Variants in IPMK observed in about 807,000 individuals in gnomAD.
IPMK encodes the protein inositol 1,3,4,6-tetrakisphosphate 5-kinase.
In IPMK, 17 loss-of-function variants were observed where a neutral mutation model predicts 45.8. The ratio of observed to expected loss-of-function variants is 0.37; its 90% CI spans 0.25 to 0.56. The LOEUF is 0.56. Ranked by LOEUF, IPMK falls within the 20% of genes least tolerant of loss-of-function variation. The pLI, the probability that IPMK is intolerant of heterozygous loss-of-function variation, is 0.79. For synonymous variants in IPMK, 180 were observed against 184.3 expected (o/e 0.98, Z 0.19); for missense variants, 399 against 498.0 (o/e 0.80, Z 1.89).
Position 58,267,551 on chromosome 10 carries a change from T to A in IPMK, c.61A>T (p.Thr21Ser). 6.2e-7 allele frequency: 1 copy of A among 1,610,850 alleles called. No homozygotes were observed. Among genetic ancestry groups the A allele is most frequent in the Non-Finnish European group, 8.5e-7 (1 of 1,178,910 alleles). Reference sequence around the variant, plus strand: ...GGGGTGGACTCGATCGCCGGTGAGGTCCGCATTTCTGGGGGGCCCGGCGCC... The same window carrying A: ...GGGGTGGACTCGATCGCCGGTGAGGACCGCATTTCTGGGGGGCCCGGCGCC... ...VEAPGPPEMR[T>S]SPAIESTPEG... Residue 21 changes from threonine to serine, a missense_variant, in exon 1 of 6, where the codon ACC (threonine) becomes TCC (serine). Physicochemically the swap from Thr to Ser is moderately conservative, Grantham distance 58. This residue lies in a region of IPMK where 111 missense variants were observed against 99.9 expected (regional missense o/e 1.11). Coordinates refer to ENST00000373935, the MANE Select transcript of IPMK (RefSeq NM_152230.5).
At chr10:58,208,095 C>G (rs1290755134) in intron 4 of IPMK, among the ~76,000 whole-genome samples, 2 of 152,070 alleles carry the variant, frequency 1.3e-5, no homozygotes, top group African/African-American at 4.8e-5. Context: ...CGCCCGCCAC[C>G]ACGCCCGGCT....
At chr10:58,232,101 A>C (rs1838532563) in intron 2 of IPMK, among the ~76,000 whole-genome samples, 1 of 152,244 alleles carries the variant, frequency 6.6e-6, no homozygotes, top group South Asian at 2.1e-4. Context: ...ACAATAGTAA[A>C]GGGATCACTC....
intron 4 of IPMK, among the ~76,000 whole-genome samples, chr10:58,209,869 T>C (rs377457154): frequency 1.3e-5 from 2 of 152,202 alleles, no homozygotes; most frequent in African/African-American, 4.8e-5. Context: ...CTGAGTTGGT[T>C]GGCCTCCAGC....
At chr10:58,225,273 G>A (rs1392926978) in intron 3 of IPMK, among the ~76,000 whole-genome samples, 4 of 152,016 alleles carry the variant, frequency 2.6e-5, no homozygotes, top group Non-Finnish European at 5.9e-5. Context: ...CAACTTGGTG[G>A]TATTACTTTC....
chr10:58,197,803 C>T (rs1432320588), intron 5 of IPMK, among the ~76,000 whole-genome samples: 3 of 152,074 alleles, frequency 2.0e-5, no homozygotes, highest in African/African-American at 7.2e-5. Flanking sequence ...GAGGCAGAGG[C>T]GGGTGGATCA....
At chr10:58,208,228 C>T (rs1031476334) in intron 4 of IPMK, among the ~76,000 whole-genome samples, 15 of 152,176 alleles carry the variant, frequency 9.9e-5, no homozygotes, top group African/African-American at 3.4e-4. Context: ...GTGTGAGCCA[C>T]CACACCTGGC....
chr10:58,203,245 C>T (rs1160899950), intron 4 of IPMK, among the ~76,000 whole-genome samples: 1 of 152,174 alleles, frequency 6.6e-6, no homozygotes, highest in Admixed American at 6.5e-5. Flanking sequence ...AGACTGAAGG[C>T]TGAAGATGTG....
rs972940060 is a variant in IPMK, at chr10:58,193,929, AATG to A, written c.*2144_*2146del. 5.3e-5 allele frequency: 8 copies of A among 151,898 alleles called. No individual in the cohort carries two copies. The highest frequency in any genetic ancestry group is 1.9e-4 in the African/African-American group (8 of 41,452). 9.4% of individuals were successfully genotyped at this position (151,898 alleles called of 1,614,324 possible). Reference sequence around the variant, plus strand: ...CAACATAAAATGAGCATTGGATAACAATGATAACAAATGTAAACAAACAGAATT... The same window carrying A: ...CAACATAAAATGAGCATTGGATAACAATAACAAATGTAAACAAACAGAATT... On this transcript the variant is annotated 3_prime_UTR_variant, in exon 6 of 6. Transcript: ENST00000373935.
chr10:58,205,838 T>TTTAAGTTA (rs1838061876), intron 4 of IPMK, among the ~76,000 whole-genome samples: 1 of 152,200 alleles, frequency 6.6e-6, no homozygotes, highest in African/African-American at 2.4e-5. Flanking sequence ...TAAATAATTT[T>TTTAAGTTA]TTAAAAAATT....
intron 2 of IPMK, among the ~76,000 whole-genome samples, chr10:58,235,769 C>A (rs1167619918): frequency 6.6e-6 from 1 of 151,930 alleles, no homozygotes; most frequent in Non-Finnish European, 1.5e-5. Flanking sequence ...ATGTATCAAA[C>A]CTGCACGTTG....
At chr10:58,214,428 A>C (rs888135782) in intron 4 of IPMK, among the ~76,000 whole-genome samples, 5 of 152,248 alleles carry the variant, frequency 3.3e-5, no homozygotes, top group African/African-American at 1.2e-4. Flanking sequence ...GAGAGATCTG[A>C]AAACAGTGGA....
At chr10:58,199,194 T>C (rs754100695) in intron 5 of IPMK, 46 bp downstream of exon 5, 2 of 1,157,628 alleles carry the variant, frequency 1.7e-6, no homozygotes. Flanking sequence ...ACTTTAGAAG[T>C]CTTTTAACTG....
intron 3 of IPMK, among the ~76,000 whole-genome samples, chr10:58,221,518 T>G (rs1838335561): frequency 2.0e-5 from 3 of 152,122 alleles, no homozygotes; most frequent in Admixed American, 2.0e-4. Flanking sequence ...GTTCTAAGAC[T>G]GATCCAAAAA....
intron 2 of IPMK, among the ~76,000 whole-genome samples, chr10:58,233,666 T>C (rs998128290): frequency 6.6e-6 from 1 of 151,996 alleles, no homozygotes; most frequent in Non-Finnish European, 1.5e-5. Flanking sequence ...ATGGAATGTA[T>C]CTCAAAATAA....
intron 3 of IPMK, 22 bp from the exon 4 acceptor site, chr10:58,216,339 A>G: frequency 7.9e-7 from 1 of 1,258,174 alleles, no homozygotes; most frequent in Non-Finnish European, 1.1e-6. Flanking sequence ...GAAAAATATT[A>G]ATTAGTAATA....
intron 2 of IPMK, among the ~76,000 whole-genome samples, chr10:58,236,896 C>T (rs1588964655): frequency 6.6e-6 from 1 of 152,058 alleles, no homozygotes; most frequent in Non-Finnish European, 1.5e-5. Flanking sequence ...AAAGTGAGAC[C>T]CCATCTCTAC....
intron 4 of IPMK, among the ~76,000 whole-genome samples, chr10:58,201,306 C>T (rs951717549): frequency 6.6e-6 from 1 of 152,150 alleles, no homozygotes; most frequent in African/African-American, 2.4e-5. Flanking sequence ...TTGAGCAAAT[C>T]TATTGGTGCC....
chr10:58,231,537 A>T (rs1405677847), intron 2 of IPMK, among the ~76,000 whole-genome samples: 1 of 152,204 alleles, frequency 6.6e-6, no homozygotes, highest in Non-Finnish European at 1.5e-5. Context: ...ATACTTAAAG[A>T]AAAGAATTTT....
rs199822749 is a variant in IPMK, at chr10:58,196,224, T to C, written c.1103A>G (p.His368Arg). ...AATCTCTTGGCAACCAGTGGGAAGA[T>C]GGTAGAAAACTTTTTCCAGTTGGGA... ...VLSQLEKVFY[H>R]LPTGCQEIAE... Residue 368 changes from histidine (H) to arginine (R), a missense_variant, in exon 6 of 6, where the codon CAT (histidine) becomes CGT (arginine). By Grantham distance (29) the His-to-Arg change is conservative (BLOSUM62 0). Coordinates refer to ENST00000373935, the MANE Select transcript of IPMK (RefSeq NM_152230.5). 3.1e-6 allele frequency: 5 copies of C among 1,614,114 alleles called. No homozygotes were observed. Among genetic ancestry groups the C allele is most frequent in the Middle Eastern group, 1.7e-4 (1 of 6,060 alleles).
Sources: gnomAD v4.1 joint callset for allele counts (sites outside exome capture counted in the v4.1 genomes callset) on GRCh38, gnomAD v4.1.1 for gene constraint, gnomAD v4.1.1 regional missense constraint, MANE v1.5 for transcripts, NCBI Gene and HGNC (gene_info 2026-07-23, HGNC 2026-07-21) for gene names.